MEF2A: variants seen among roughly 807,000 people sequenced by gnomAD.
MEF2A encodes the protein myocyte-specific enhancer factor 2A.
In MEF2A, 28 loss-of-function variants were observed where a neutral mutation model predicts 55.8. The ratio of observed to expected loss-of-function variants is 0.50; its 90% CI spans 0.37 to 0.69. MEF2A has a LOEUF of 0.69. Among genes scored for constraint, MEF2A ranks in the 30% least tolerant of loss-of-function variants. The probability of loss-of-function intolerance (pLI) is 0.00; values close to 1 mark genes in which losing one functional copy is unlikely to be tolerated. For missense variants in MEF2A, 528 were observed against 626.2 expected (o/e 0.84, Z 1.67); for synonymous variants, 239 against 227.1 (o/e 1.05, Z -0.47).
In MEF2A at chr15:99,713,098, C is replaced by G. The variant is rs1375097164; in HGVS notation, c.*327C>G. 2.2e-6 allele frequency: 1 copy of G among 448,904 alleles called. No individual in the cohort carries two copies. 27.8% of individuals were successfully genotyped at this position (448,904 alleles called of 1,614,324 possible). ...CAGTTTTTGCAGAGAAACGTGTACC[C>G]ATATATAATTCTCCCACACTAGCTT... On this transcript the variant is annotated 3_prime_UTR_variant, in exon 12 of 12. Coordinates refer to ENST00000557942, the MANE Select transcript of MEF2A (RefSeq NM_001319206.4).
chr15:99,696,964 G>T (rs1291341634), intron 8 of MEF2A, among the ~76,000 whole-genome samples: 3 of 151,788 alleles, frequency 2.0e-5, no homozygotes, highest in Non-Finnish European at 4.4e-5. Flanking sequence ...AGACCAAGTT[G>T]GTTTTATCCC....
At chr15:99,619,426 A>G (rs2040765044) in intron 2 of MEF2A, among the ~76,000 whole-genome samples, 1 of 152,126 alleles carries the variant, frequency 6.6e-6, no homozygotes, top group African/African-American at 2.4e-5. Context: ...GGTGATATTT[A>G]CTGCCTAGTC....
At chr15:99,597,668 T>TGG (rs1448688138) in intron 1 of MEF2A, among the ~76,000 whole-genome samples, 1 of 152,160 alleles carries the variant, frequency 6.6e-6, no homozygotes, top group Non-Finnish European at 1.5e-5. Context: ...TTTTGTGGCT[T>TGG]GGGGGGCATC....
chr15:99,647,256 T>TG (rs1243835326), intron 4 of MEF2A, among the ~76,000 whole-genome samples: 2 of 152,174 alleles, frequency 1.3e-5, no homozygotes, highest in African/African-American at 4.8e-5. Context: ...ACTTCATAAC[T>TG]GGATTTCCTT....
Position 99,713,519 on chromosome 15 carries a change from C to G in MEF2A, c.*748C>G, listed in dbSNP as rs2058868040. 6.6e-6 allele frequency: 1 copy of G among 152,196 alleles called. No homozygotes were observed. Among genetic ancestry groups the G allele is most frequent in the Non-Finnish European group, 1.5e-5 (1 of 68,070 alleles). The allele number at this position is 152,196 out of a possible 1,614,324, so 9.4% of individuals were successfully genotyped here. A position where few individuals can be genotyped will look rare whatever the true frequency, so the allele number is the denominator to read the frequency against. ...ATATTAAGTTATAATTGGAATATGT[C>G]AGAAGTTTCTTTTTACATTCATATC... is the stretch of plus-strand genomic sequence containing the variant. On this transcript the variant is annotated 3_prime_UTR_variant, in exon 12 of 12. Coordinates refer to ENST00000557942, the MANE Select transcript of MEF2A (RefSeq NM_001319206.4).
chr15:99,661,472 G>A lies in MEF2A; in HGVS notation c.259-9851G>A, dbSNP rs1296319601. ...GATATTTTTACAATGTATAAAATTAGCCAAGGGCTTACATTGACTACTTAT... is the reference window on the plus strand; with the variant it reads ...GATATTTTTACAATGTATAAAATTAACCAAGGGCTTACATTGACTACTTAT... On this transcript the variant is annotated intron_variant, in intron 4 of 11. Coordinates refer to ENST00000557942, the MANE Select transcript of MEF2A (RefSeq NM_001319206.4). Among the ~76,000 whole-genome samples, 5 of 148,236 alleles carry A rather than the reference G, an allele frequency of 3.4e-5. No homozygotes were observed. The East Asian group carries it at 7.9e-4, about 23-fold the overall frequency.
intron 3 of MEF2A, among the ~76,000 whole-genome samples, chr15:99,640,654 T>A (rs1011591417): frequency 6.6e-6 from 1 of 151,170 alleles, no homozygotes; most frequent in Admixed American, 6.6e-5. Flanking sequence ...CCTCCTGTGC[T>A]CAAGCAATCC....
At chr15:99,636,674 T>G (rs2153432141) in intron 3 of MEF2A, among the ~76,000 whole-genome samples, 1 of 152,358 alleles carries the variant, frequency 6.6e-6, no homozygotes, top group South Asian at 2.1e-4. Context: ...TCAATAATAT[T>G]TTAATGGTTT....
At chr15:99,636,442 C>T (rs779551722) in intron 3 of MEF2A, among the ~76,000 whole-genome samples, 5 of 152,092 alleles carry the variant, frequency 3.3e-5, no homozygotes, top group Non-Finnish European at 5.9e-5. Flanking sequence ...AACTTTTGGG[C>T]TCAAGTGATC....
chr15:99,693,398 A>G (rs1374557935), intron 8 of MEF2A, among the ~76,000 whole-genome samples: 1 of 152,118 alleles, frequency 6.6e-6, no homozygotes, highest in Non-Finnish European at 1.5e-5. Flanking sequence ...GATAATTACT[A>G]CTGCCAACAC....
At chr15:99,581,186 A>G (rs1390608281) in intron 1 of MEF2A, among the ~76,000 whole-genome samples, 1 of 152,148 alleles carries the variant, frequency 6.6e-6, no homozygotes, top group African/African-American at 2.4e-5. Flanking sequence ...TGTTGGAGTA[A>G]GAAATAGACT....
intron 1 of MEF2A, among the ~76,000 whole-genome samples, chr15:99,576,978 A>G (rs531028347): frequency 6.6e-6 from 1 of 152,298 alleles, no homozygotes; most frequent in Admixed American, 6.5e-5. Flanking sequence ...AAAAATTTTA[A>G]AAGCCTAATT....
At chr15:99,587,761 A>G (rs1967828719) in intron 1 of MEF2A, among the ~76,000 whole-genome samples, 1 of 152,200 alleles carries the variant, frequency 6.6e-6, no homozygotes, top group African/African-American at 2.4e-5. Flanking sequence ...GTAGAAATAC[A>G]GTTGATGTTT....
chr15:99,636,045 C>T (rs956368136), intron 3 of MEF2A, among the ~76,000 whole-genome samples: 6 of 152,200 alleles, frequency 3.9e-5, no homozygotes, highest in South Asian at 2.1e-4. Context: ...CTAGCTGCTC[C>T]GGTCTTGAGC....
chr15:99,656,428 T>C (rs2047716201), intron 4 of MEF2A, among the ~76,000 whole-genome samples: 1 of 152,062 alleles, frequency 6.6e-6, no homozygotes. Flanking sequence ...AAATGATAAT[T>C]GGAGGGATAG....
intron 2 of MEF2A, among the ~76,000 whole-genome samples, chr15:99,613,853 G>T (rs80043832): frequency 6.6e-6 from 1 of 152,192 alleles, no homozygotes; most frequent in Admixed American, 6.5e-5. Flanking sequence ...CCCTTGTGCA[G>T]CCATACACAA....
intron 7 of MEF2A, among the ~76,000 whole-genome samples, chr15:99,682,565 C>T (rs2153683853): frequency 6.6e-6 from 1 of 152,278 alleles, no homozygotes; most frequent in Middle Eastern, 3.4e-3. Context: ...TATATCACTG[C>T]ACTCTACAAA....
At chr15:99,695,101 T>G (rs1008968384) in intron 8 of MEF2A, among the ~76,000 whole-genome samples, 3 of 151,164 alleles carry the variant, frequency 2.0e-5, no homozygotes, top group Non-Finnish European at 2.9e-5. Flanking sequence ...CCAAGGAACA[T>G]TATTTTTATG....
chr15:99,673,232 AAAT>A (rs2051226013), intron 5 of MEF2A, among the ~76,000 whole-genome samples: 1 of 152,210 alleles, frequency 6.6e-6, no homozygotes, highest in Non-Finnish European at 1.5e-5. Flanking sequence ...GCTCACAAAA[AAAT>A]AGCCTTAAGG....
Sources: gnomAD v4.1 joint callset for allele counts (sites outside exome capture counted in the v4.1 genomes callset) on GRCh38, gnomAD v4.1.1 for gene constraint, MANE v1.5 for transcripts, NCBI Gene and HGNC (gene_info 2026-07-23, HGNC 2026-07-21) for gene names.